The following DOCK6 variants were observed in gnomAD, a reference collection of about 807,000 sequenced individuals.
DOCK6 encodes the protein dedicator of cytokinesis 6.
A neutral mutation model predicts 230.3 loss-of-function variants in DOCK6; 167 were observed. That is an observed-to-expected ratio of 0.73 (90% CI 0.64 to 0.82). The LOEUF (loss-of-function observed/expected upper bound fraction) is 0.82, where lower values mean the gene tolerates loss of function less well. Ranked by LOEUF, DOCK6 falls within the 40% of genes least tolerant of loss-of-function variation. DOCK6 has a pLI of 0.00. For missense variants in DOCK6, 2,598 were observed against 2,825.8 expected (o/e 0.92, Z 1.83); for synonymous variants, 1,148 against 1,185.0 (o/e 0.97, Z 0.64).
In DOCK6 at chr19:11,219,744, A is replaced by G. The variant is rs1014195965; in HGVS notation, c.3550+2107T>C. Among the ~76,000 whole-genome samples, 4 of 150,584 alleles carry G rather than the reference A, an allele frequency of 2.7e-5. No homozygotes were observed. The South Asian group carries it at 6.4e-4, about 24-fold the overall frequency. On this transcript the variant is annotated intron_variant, in intron 28 of 47. Coordinates refer to ENST00000294618, the MANE Select transcript of DOCK6 (RefSeq NM_020812.4). ...GGCAGAGCTTGCAGTGAGCCGAGATAGCGCCACTGCACTCCAGCCTGGGCA... is the reference window on the plus strand; with the variant it reads ...GGCAGAGCTTGCAGTGAGCCGAGATGGCGCCACTGCACTCCAGCCTGGGCA...
At position 11,251,081 on chromosome 19, in the gene DOCK6, G is replaced by A; in HGVS notation, c.513C>T (p.Asp171=). ...CCGGGGAGCCCGAGCCACGCCGGGA[G>A]TCATTCTGCCAGTGGAGAATGTGCA... is the stretch of plus-strand genomic sequence containing the variant. ...DERSGPEDSN[D]SRRGSGSPED... Residue 171 remains aspartate, a synonymous_variant, in exon 6 of 48, where the codon GAC becomes GAT. Transcript: ENST00000294618. 2 of 1,610,074 alleles carry A rather than the reference G, an allele frequency of 1.2e-6. No individual in the cohort carries two copies. The highest frequency in any genetic ancestry group is 1.7e-6 in the Non-Finnish European group (2 of 1,178,290).
Position 11,242,134 on chromosome 19 carries a change from G to A in DOCK6, c.1554C>T (p.Ile518=). ...GGCCCCTGGGGTCCGGGTAGGGCTT[G>A]ATATGAAGCAGCTCAGGGGAGAGGC... ...HFCLSPELLH[I]KPYPDPRGRP... The change falls in exon 14 of 48, where the codon ATC becomes ATT. Residue 518 remains isoleucine (I), a synonymous_variant. Transcript: ENST00000294618. 1.3e-6 allele frequency: 2 copies of A among 1,503,056 alleles called. No homozygotes were observed. The highest frequency in any genetic ancestry group is 8.9e-7 in the Non-Finnish European group (1 of 1,128,550). 93.1% of individuals were successfully genotyped at this position (1,503,056 alleles called of 1,614,324 possible). A position where few individuals can be genotyped will look rare whatever the true frequency, so the allele number is the denominator to read the frequency against.
Position 11,237,786 on chromosome 19 carries a change from G to C in DOCK6, c.1833-7C>G, listed in dbSNP as rs764844019. On this transcript the variant is annotated splice_polypyrimidine_tract_variant and splice_region_variant and intron_variant, in intron 16 of 47. Coordinates refer to ENST00000294618, the MANE Select transcript of DOCK6 (RefSeq NM_020812.4). ...CTCGTAGAACTCGGGGGACCTGGCA[G>C]AATCGGGCTGGGGGATCTGCTGGGG... 9.0e-6 allele frequency: 14 copies of C among 1,562,296 alleles called. No individual in the cohort carries two copies. The highest frequency in any genetic ancestry group is 1.1e-5 in the Non-Finnish European group (13 of 1,153,760).
Position 11,243,623 on chromosome 19 carries a change from C to G in DOCK6, c.1192G>C (p.Ala398Pro), listed in dbSNP as rs1156434519. The change falls in exon 11 of 48, where the codon GCC (alanine) becomes CCC (proline). Residue 398 changes from alanine (A) to proline (P), a missense_variant. By Grantham distance (27) the Ala-to-Pro change is conservative. Coordinates refer to ENST00000294618, the MANE Select transcript of DOCK6 (RefSeq NM_020812.4). The surrounding 1 kb of genome is among the most constrained non-coding windows in gnomAD (Gnocchi z 6.3). ...CTCACGATGTTGGCCAAGTGCACGG[C>G]CGTCCAGGCGAAGGGCATGCGGTAG... is the stretch of plus-strand genomic sequence containing the variant. ...GRYRMPFAWT[A>P]VHLANIVSSA... 1.2e-6 allele frequency: 2 copies of G among 1,611,972 alleles called. No homozygotes were observed. Among genetic ancestry groups the G allele is most frequent in the Non-Finnish European group, 1.7e-6 (2 of 1,179,558 alleles).
chr19:11,223,323 C>G (rs946868497), intron 24 of DOCK6, among the ~76,000 whole-genome samples: 3 of 152,178 alleles, frequency 2.0e-5, no homozygotes, highest in African/African-American at 7.2e-5. Context: ...TGGGCTAACT[C>G]CCTGCAAGAT....
chr19:11,235,876 A>AT (rs1172597094), intron 20 of DOCK6, 117 bp from the exon 21 acceptor site: 22 of 1,283,984 alleles, frequency 1.7e-5, no homozygotes, highest in African/African-American at 6.5e-5. Flanking sequence ...AGGGGTCACA[A>AT]ATTTTTTTTT....
At chr19:11,211,507 CA>C (rs2079383088) in intron 37 of DOCK6, among the ~76,000 whole-genome samples, 2 of 151,316 alleles carry the variant, frequency 1.3e-5, no homozygotes, top group African/African-American at 2.4e-5. Context: ...CATGTCTGCT[CA>C]CCTGTCCCCC....
chr19:11,241,442 C>G, intron 14 of DOCK6: 1 of 1,544,750 alleles, frequency 6.5e-7, no homozygotes, highest in African/African-American at 1.4e-5. Context: ...CTGACCCCCA[C>G]AGGCTCACGC....
chr19:11,260,881 T>TAAAAAAAAAAA (rs1568272160), intron 1 of DOCK6, among the ~76,000 whole-genome samples: 1 of 4,272 alleles, frequency 2.3e-4, no homozygotes, highest in African/African-American at 7.2e-4. Flanking sequence ...AGACTCTGTC[T>TAAAAAAAAAAA]CAAAAAAAAA....
intron 40 of DOCK6, 21 bp downstream of exon 40, chr19:11,204,179 G>C: frequency 6.5e-7 from 1 of 1,548,626 alleles, no homozygotes; most frequent in Middle Eastern, 1.8e-4. Context: ...GTGGGGTCTG[G>C]GGAGGGGGTC....
intron 1 of DOCK6, 112 bp downstream of exon 1, chr19:11,262,285 C>T: frequency 1.4e-6 from 1 of 708,720 alleles, no homozygotes. Flanking sequence ...GGGACCCGGG[C>T]CGAGGCGGAA....
At chr19:11,219,488 T>TA (rs911098444) in intron 28 of DOCK6, among the ~76,000 whole-genome samples, 3 of 151,146 alleles carry the variant, frequency 2.0e-5, no homozygotes, top group Admixed American at 6.6e-5. Flanking sequence ...GCACCCGGCT[T>TA]AAAAAAATCA....
At chr19:11,209,831 C>T in intron 37 of DOCK6, among the ~76,000 whole-genome samples, 1 of 75,706 alleles carries the variant, frequency 1.3e-5, no homozygotes, top group South Asian at 5.1e-4. Flanking sequence ...ACCCTCTCAC[C>T]TGTCCACCCC....
Position 11,213,226 on chromosome 19 carries a change from C to T in DOCK6, c.4441G>A (p.Ala1481Thr), listed in dbSNP as rs140032702. 1.4e-5 allele frequency: 23 copies of T among 1,613,212 alleles called. No individual in the cohort carries two copies. The highest frequency in any genetic ancestry group is 2.2e-5 in the East Asian group (1 of 44,884). ...ATGAGCAGGTACAGCGAGGCGCTGGCGTGCGTGCGGATGGTGCTGATGCGG... is the reference window on the plus strand; with the variant it reads ...ATGAGCAGGTACAGCGAGGCGCTGGTGTGCGTGCGGATGGTGCTGATGCGG... ...GSRISTIRTH[A>T]SASLYLLMRQ... is the part of the protein sequence containing the mutation. The change falls in exon 35 of 48, where the codon GCC becomes ACC. Residue 1481 changes from alanine (A) to threonine (T), a missense_variant. Transcript: ENST00000294618.
chr19:11,227,863 A>C (rs1380708956), intron 23 of DOCK6, among the ~76,000 whole-genome samples: 1 of 150,560 alleles, frequency 6.6e-6, no homozygotes, highest in Non-Finnish European at 1.5e-5. Flanking sequence ...GAGGTGGGAC[A>C]AAGGGTGGGG....
Position 11,237,734 on chromosome 19 carries a change from G to T in DOCK6, c.1878C>A (p.Cys626Ter). The T allele has an allele frequency of 6.3e-7, 1 of 1,580,048 alleles. No homozygotes were observed. Among genetic ancestry groups the T allele is most frequent in the Middle Eastern group, 1.7e-4 (1 of 6,024 alleles). ...ACAGCAGGTGATGGTTCTCTGTCACGCAGGCTGGAAGATGCAGCTTGAACT... is the reference window on the plus strand; with the variant it reads ...ACAGCAGGTGATGGTTCTCTGTCACTCAGGCTGGAAGATGCAGCTTGAACT... ...YEEFKLHLPA[C>*]VTENHHLLFT... Residue 626 changes from cysteine to a stop codon, truncating the protein, a stop_gained, in exon 17 of 48, where the codon TGC (cysteine) becomes TGA (stop). Coordinates refer to ENST00000294618, the MANE Select transcript of DOCK6 (RefSeq NM_020812.4). LOFTEE classifies it high-confidence loss of function.
chr19:11,230,511 G>A (rs1371870292), intron 22 of DOCK6, among the ~76,000 whole-genome samples: 1 of 152,174 alleles, frequency 6.6e-6, no homozygotes, highest in African/African-American at 2.4e-5. Flanking sequence ...AGGCAGAGGA[G>A]ATGAAATCAG....
chr19:11,231,402 G>A (rs1236562228), intron 22 of DOCK6, among the ~76,000 whole-genome samples: 5 of 150,282 alleles, frequency 3.3e-5, no homozygotes, highest in African/African-American at 9.8e-5. Context: ...GTATTCGGTT[G>A]CTACTTGCTT....
chr19:11,224,511 TATA>T (rs1269166986), intron 24 of DOCK6, among the ~76,000 whole-genome samples: 4 of 152,028 alleles, frequency 2.6e-5, no homozygotes, highest in Non-Finnish European at 5.9e-5. Context: ...ATGCCCAGCC[TATA>T]ATTACTTGTC....
Sources: gnomAD v4.1 joint callset for allele counts (sites outside exome capture counted in the v4.1 genomes callset) on GRCh38, gnomAD v4.1.1 for gene constraint, Gnocchi (gnomAD v3.1) non-coding constraint, MANE v1.5 for transcripts, NCBI Gene and HGNC (gene_info 2026-07-23, HGNC 2026-07-21) for gene names.